The following CYP4Z1 variants were observed in gnomAD, a reference collection of about 807,000 sequenced individuals.
The protein encoded by CYP4Z1 is cytochrome P450 4Z1.
Under a neutral mutation model 54.2 loss-of-function variants are expected in CYP4Z1, and 41 were observed. The observed-to-expected ratio is 0.76, with a 90% CI of 0.59 to 0.98. The LOEUF (loss-of-function observed/expected upper bound fraction) is 0.98, where lower values mean the gene tolerates loss of function less well. Among genes scored for constraint, CYP4Z1 ranks in the 50% least tolerant of loss-of-function variants. The pLI is 0.00. For synonymous variants in CYP4Z1, 163 were observed against 206.2 expected (o/e 0.79, Z 1.79); for missense variants, 513 against 599.0 (o/e 0.86, Z 1.50).
chr1:47,061,653 A>G, the CYP4Z1 span, among the ~76,000 whole-genome samples: 8 of 152,322 alleles, frequency 5.3e-5, no homozygotes, highest in South Asian at 1.7e-3. Context: ...AATAATTGAG[A>G]AGGAGGGACT....
In CYP4Z1 at chr1:47,067,649, G is replaced by A. The variant is rs142469011; in HGVS notation, c.159G>A (p.Trp53Ter). ...TGTTTCCTGCACCCCCTGCCCACTG[G>A]TTCTATGGCCACAAGGAGGTAAGAG... ...LHLFPAPPAH[W>*]FYGHKEFYPV... The change falls in exon 1 of 12, where the codon TGG becomes TGA. Residue 53 changes from tryptophan (W) to a stop codon, truncating the protein, a stop_gained. Transcript: ENST00000334194. LOFTEE classifies it high-confidence loss of function. The A allele has an allele frequency of 4.9e-5, 79 of 1,607,804 alleles. No homozygotes were observed. The highest frequency in any genetic ancestry group is 6.4e-5 in the Non-Finnish European group (75 of 1,176,346).
At chr1:47,097,607 C>T (rs564414739) in intron 7 of CYP4Z1, among the ~76,000 whole-genome samples, 2 of 152,238 alleles carry the variant, frequency 1.3e-5, no homozygotes, top group African/African-American at 4.8e-5. Flanking sequence ...GGCTGAAGAT[C>T]AGATGATTGT....
chr1:47,102,315 T>C (rs1644727422), intron 8 of CYP4Z1, among the ~76,000 whole-genome samples: 1 of 152,246 alleles, frequency 6.6e-6, no homozygotes, highest in African/African-American at 2.4e-5. Flanking sequence ...GGTTGTTTTG[T>C]ATATACTTTG....
chr1:47,085,873 G>C (rs1027203154), intron 6 of CYP4Z1, among the ~76,000 whole-genome samples: 1 of 123,594 alleles, frequency 8.1e-6, no homozygotes, highest in African/African-American at 3.3e-5. Flanking sequence ...GCCCCAGTGT[G>C]TGATGTTCCC....
chr1:47,087,996 T>C (rs530705765), intron 6 of CYP4Z1, among the ~76,000 whole-genome samples: 3 of 152,292 alleles, frequency 2.0e-5, no homozygotes, highest in Admixed American at 6.5e-5. Context: ...CTGGATTACG[T>C]TGATTGATTT....
intron 8 of CYP4Z1, among the ~76,000 whole-genome samples, chr1:47,100,444 T>G (rs540956967): frequency 7.9e-5 from 12 of 152,236 alleles, no homozygotes; most frequent in Admixed American, 3.9e-4. Flanking sequence ...CTGAGTAGCA[T>G]GATGAAATCT....
At chr1:47,108,364 CA>C (rs769455589) in intron 9 of CYP4Z1, among the ~76,000 whole-genome samples, 1 of 152,174 alleles carries the variant, frequency 6.6e-6, no homozygotes, top group Non-Finnish European at 1.5e-5. Flanking sequence ...GTAATTCAAC[CA>C]GCATTAAATT....
At chr1:47,098,130 A>T (rs910532219) in intron 7 of CYP4Z1, among the ~76,000 whole-genome samples, 4 of 152,162 alleles carry the variant, frequency 2.6e-5, no homozygotes, top group Non-Finnish European at 5.9e-5. Context: ...TATGAATTTT[A>T]AAAGTTTTTT....
intron 10 of CYP4Z1, 74 bp downstream of exon 10, chr1:47,115,667 A>C (rs1644825155): frequency 2.9e-6 from 4 of 1,366,240 alleles, no homozygotes; most frequent in African/African-American, 1.4e-5. Context: ...TTCACAGTTG[A>C]GAGAGCAGTT....
chr1:47,105,606 T>C (rs906697852), intron 8 of CYP4Z1, among the ~76,000 whole-genome samples: 5 of 152,208 alleles, frequency 3.3e-5, no homozygotes, highest in African/African-American at 1.2e-4. Flanking sequence ...TTTGGTGCTT[T>C]CCATCACTTC....
Position 47,068,723 on chromosome 1 carries a change from C to A in CYP4Z1, c.279C>A (p.Val93=), listed in dbSNP as rs1440205029. The change falls in exon 2 of 12, where the codon GTC becomes GTA. Residue 93 remains valine (V), a synonymous_variant. Coordinates refer to ENST00000334194, the MANE Select transcript of CYP4Z1 (RefSeq NM_178134.3). ...WVGPFTMFFS[V]HDPDYAKILL... ...GACCCTTTACGATGTTCTTCAGTGTCCATGACCCAGACTATGCCAAGATTC... is the reference window on the plus strand; with the variant it reads ...GACCCTTTACGATGTTCTTCAGTGTACATGACCCAGACTATGCCAAGATTC... 1 of 1,614,092 alleles carries A rather than the reference C, an allele frequency of 6.2e-7. No homozygotes were observed. Among genetic ancestry groups the A allele is most frequent in the Admixed American group, 1.7e-5 (1 of 60,006 alleles).
intron 2 of CYP4Z1, among the ~76,000 whole-genome samples, chr1:47,079,475 AT>A (rs1005354200): frequency 2.1e-4 from 32 of 152,276 alleles, no homozygotes; most frequent in African/African-American, 6.5e-4. Flanking sequence ...CTTAGACATT[AT>A]TTTTTAGGAC....
In CYP4Z1 at chr1:47,067,607, G is replaced by A. The variant is rs564652252; in HGVS notation, c.117G>A (p.Met39Ile). The change falls in exon 1 of 12, where the codon ATG becomes ATA. Residue 39 changes from methionine (M) to isoleucine (I), a missense_variant. Physicochemically the swap from Met to Ile is conservative, Grantham distance 10. Coordinates refer to ENST00000334194, the MANE Select transcript of CYP4Z1 (RefSeq NM_178134.3). ...VIRLYQRRRW[M>I]IRALHLFPAP... ...GGTTGTACCAGAGGAGGAGATGGAT[G>A]ATCAGAGCCCTGCACCTGTTTCCTG... 1 of 1,613,450 alleles carries A rather than the reference G, an allele frequency of 6.2e-7. No individual in the cohort carries two copies. Among genetic ancestry groups the A allele is most frequent in the Non-Finnish European group, 8.5e-7 (1 of 1,179,750 alleles).
At chr1:47,095,035 A>G (rs550211924) in intron 7 of CYP4Z1, among the ~76,000 whole-genome samples, 91 of 151,990 alleles carry the variant, frequency 6.0e-4, no homozygotes, top group South Asian at 1.9e-3. Context: ...GATAACTGAT[A>G]CATATTGAAC....
chr1:47,067,412 CCTT>C lies in CYP4Z1; in HGVS notation c.-78_-76del. On this transcript the variant is annotated 5_prime_UTR_variant, in exon 1 of 12. Transcript: ENST00000334194. ...GCCCAGTGTTGCCCAGGGGGCATCT[CCTT>C]TGTGTTTATGAGAGACCTGCATTCT... The C allele has an allele frequency of 3.1e-6, 4 of 1,303,004 alleles. No individual in the cohort carries two copies. The highest frequency in any genetic ancestry group is 4.1e-6 in the Non-Finnish European group (4 of 984,878). The allele number at this position is 1,303,004 out of a possible 1,614,324, so 80.7% of individuals were successfully genotyped here. A position where few individuals can be genotyped will look rare whatever the true frequency, so the allele number is the denominator to read the frequency against.
At chr1:47,082,591 A>T in intron 4 of CYP4Z1, 130 bp downstream of exon 4, 1 of 1,338,074 alleles carries the variant, frequency 7.5e-7, no homozygotes, top group Non-Finnish European at 1.0e-6. Flanking sequence ...TGATGTTTAG[A>T]CCATGACCAT....
chr1:47,062,357 C>G (rs1272688587), upstream of CYP4Z1, among the ~76,000 whole-genome samples: 7 of 152,186 alleles, frequency 4.6e-5, no homozygotes, highest in Non-Finnish European at 7.3e-5. Context: ...TTTGAAGTAA[C>G]TGGATTACTG....
intron 6 of CYP4Z1, among the ~76,000 whole-genome samples, chr1:47,087,046 G>A (rs1291994951): frequency 6.6e-6 from 1 of 152,160 alleles, no homozygotes; most frequent in African/African-American, 2.4e-5. Flanking sequence ...CTGTTCCATT[G>A]GTCTATATCT....
At chr1:47,114,253 T>A (rs1388100044) in intron 9 of CYP4Z1, among the ~76,000 whole-genome samples, 3 of 152,222 alleles carry the variant, frequency 2.0e-5, no homozygotes, top group African/African-American at 7.2e-5. Flanking sequence ...TGCAGAAAGC[T>A]GAAACTGGAT....
Sources: allele counts gnomAD v4.1 joint callset (sites outside exome capture counted in the v4.1 genomes callset), GRCh38; gene constraint gnomAD v4.1.1; transcripts MANE v1.5; gene names NCBI Gene and HGNC (gene_info 2026-07-23, HGNC 2026-07-21).